FCRL4: variants seen among roughly 807,000 people sequenced by gnomAD.
FCRL4 encodes Fc receptor like 4, also known as Fc receptor-like protein 4.
Under a neutral mutation model 64.1 loss-of-function variants are expected in FCRL4, and 43 were observed. The observed-to-expected ratio is 0.67, with a 90% CI of 0.53 to 0.87. The LOEUF (loss-of-function observed/expected upper bound fraction) is 0.87. Ranked by LOEUF, FCRL4 falls within the 40% of genes least tolerant of loss-of-function variation. FCRL4 has a pLI of 0.00. For synonymous variants in FCRL4, 253 were observed against 239.8 expected (o/e 1.05, Z -0.51); for missense variants, 656 against 613.5 (o/e 1.07, Z -0.73).
In FCRL4 at chr1:157,578,756, A is replaced by C; in HGVS notation, c.1360+14T>G. ...GCTGAGGCCAGGAACAGCTTCCTAG[A>C]AGGGAATCCTCACCATCAACATACA... On this transcript the variant is annotated intron_variant, in intron 9 of 11. Coordinates refer to ENST00000271532, the MANE Select transcript of FCRL4 (RefSeq NM_031282.3). 6.2e-7 allele frequency: 1 copy of C among 1,612,760 alleles called. No individual in the cohort carries two copies.
intron 6 of FCRL4, among the ~76,000 whole-genome samples, chr1:157,585,105 G>C (rs1190827070): frequency 6.6e-6 from 1 of 152,154 alleles, no homozygotes; most frequent in Non-Finnish European, 1.5e-5. Flanking sequence ...AAGCCTGGTG[G>C]TGATGGGTTT....
chr1:157,593,801 T>G (rs1337435414), intron 2 of FCRL4, among the ~76,000 whole-genome samples: 1 of 152,214 alleles, frequency 6.6e-6, no homozygotes, highest in Non-Finnish European at 1.5e-5. Flanking sequence ...AATGTTTATT[T>G]TCTGAGTTTT....
intron 8 of FCRL4, among the ~76,000 whole-genome samples, chr1:157,579,753 A>T (rs1029149052): frequency 7.7e-6 from 1 of 130,216 alleles, no homozygotes; most frequent in South Asian, 2.6e-4. Flanking sequence ...CATACATAAA[A>T]TGTCTTTACA....
At chr1:157,589,596 C>T in intron 2 of FCRL4, 138 bp from the exon 3 acceptor site, 2 of 1,121,236 alleles carry the variant, frequency 1.8e-6, no homozygotes, top group Admixed American at 4.8e-5. Context: ...ACCCAGGTTG[C>T]AGGTGAGCTG....
intron 8 of FCRL4, among the ~76,000 whole-genome samples, chr1:157,579,814 A>G (rs1652520993): frequency 6.6e-6 from 1 of 152,262 alleles, no homozygotes; most frequent in South Asian, 2.1e-4. Flanking sequence ...CCACACTCTT[A>G]TTCCTTACCT....
In FCRL4 at chr1:157,589,407, A is replaced by G; in HGVS notation, c.104T>C (p.Phe35Ser). 6.2e-7 allele frequency: 1 copy of G among 1,614,146 alleles called. No homozygotes were observed. Among genetic ancestry groups the G allele is most frequent in the African/African-American group, 1.3e-5 (1 of 75,034 alleles). The stretch of plus-strand genomic sequence containing the variant: ...AGTCAGAGTCACTCTCTCTCCTTTG[A>G]AGAATGTGGTCCATGGAGGATGGAC... ...ISVHPPWTTF[F>S]KGERVTLTCN... The change falls in exon 3 of 12, where the codon TTC (phenylalanine) becomes TCC (serine). Residue 35 changes from phenylalanine (F) to serine (S), a missense_variant. Transcript: ENST00000271532.
chr1:157,592,565 T>A (rs141709500), intron 2 of FCRL4, among the ~76,000 whole-genome samples: 2,268 of 152,226 alleles, frequency 0.015, 46 homozygotes, highest in African/African-American at 0.051. Flanking sequence ...AGAATGGCGA[T>A]CATTAAAAAG....
rs1336965977 is a variant in FCRL4 at position 157,581,646 on chromosome 1, T to C, written c.1136-2A>G. ...GGCCATCTCTGTTGCCTGGGGTCTCTAAGGGGAAAGGACCTGTGTGAATCT... is the reference window on the plus strand; with the variant it reads ...GGCCATCTCTGTTGCCTGGGGTCTCCAAGGGGAAAGGACCTGTGTGAATCT... On this transcript the variant is annotated splice_acceptor_variant, in intron 6 of 11. Coordinates refer to ENST00000271532, the MANE Select transcript of FCRL4 (RefSeq NM_031282.3). LOFTEE classifies it high-confidence loss of function. 3 of 1,611,966 alleles carry C rather than the reference T, an allele frequency of 1.9e-6. No individual in the cohort carries two copies. The highest frequency in any genetic ancestry group is 2.5e-6 in the Non-Finnish European group (3 of 1,178,518).
chr1:157,580,371 A>G lies in FCRL4; in HGVS notation c.1250-23T>C, dbSNP rs759608543. On this transcript the variant is annotated intron_variant, in intron 7 of 11. Coordinates refer to ENST00000271532, the MANE Select transcript of FCRL4 (RefSeq NM_031282.3). ...CTCCTGCAAAATAAAGCAAAGACGC[A>G]TTTTTGTCAGCAGAGGGAGCTCTTT... 8.1e-6 allele frequency: 13 copies of G among 1,614,060 alleles called. No individual in the cohort carries two copies. In the South Asian group the frequency reaches 1.2e-4, roughly 15 times the overall value.
intron 2 of FCRL4, among the ~76,000 whole-genome samples, chr1:157,590,425 A>G (rs1315009542): frequency 6.6e-6 from 1 of 151,924 alleles, no homozygotes; most frequent in African/African-American, 2.4e-5. Context: ...TGTAAATCTC[A>G]ATCATCTGGC....
chr1:157,586,795 T>A lies in FCRL4; in HGVS notation c.848-340A>T, dbSNP rs577157575. On this transcript the variant is annotated intron_variant, in intron 5 of 11. Transcript: ENST00000271532. ...GCACTAGGCTGGACCACATCTGTTT[T>A]CAAAAGTCATAATTTTGTACCTAAG... 7.0e-4 allele frequency among the ~76,000 whole-genome samples: 106 copies of A among 152,216 alleles called. 1 individual carries two copies. Among genetic ancestry groups the A allele is most frequent in the Non-Finnish European group, 2.6e-4 (18 of 68,030 alleles).
chr1:157,593,186 G>A (rs977499103), intron 2 of FCRL4, among the ~76,000 whole-genome samples: 12 of 152,216 alleles, frequency 7.9e-5, no homozygotes, highest in Admixed American at 7.9e-4. Context: ...GTATGCATAG[G>A]TAACAAACCT....
At chr1:157,585,960 G>A (rs528865996) in intron 6 of FCRL4, among the ~76,000 whole-genome samples, 1 of 152,204 alleles carries the variant, frequency 6.6e-6, no homozygotes, top group East Asian at 1.9e-4. Flanking sequence ...AAAGCAAAAT[G>A]GCTCCCAGCC....
chr1:157,596,228 A>G, intron 2 of FCRL4, 100 bp downstream of exon 2: 2 of 1,330,556 alleles, frequency 1.5e-6, no homozygotes, highest in Non-Finnish European at 1.1e-6. Context: ...ACTCAGGAAA[A>G]GGATGAAATG....
At position 157,574,758 on chromosome 1, in the gene FCRL4, A is replaced by C. The variant is rs575699734; in HGVS notation, c.*766T>G. ...TAAAGGCAGAGTTTATTATGAGTTT[A>C]TACTAATATTTTAAGTTCAAATTTA... On this transcript the variant is annotated 3_prime_UTR_variant, in exon 12 of 12. Coordinates refer to ENST00000271532, the MANE Select transcript of FCRL4 (RefSeq NM_031282.3). 9.5e-6 allele frequency: 2 copies of C among 210,622 alleles called. No homozygotes were observed. Among genetic ancestry groups the C allele is most frequent in the African/African-American group, 4.5e-5 (2 of 44,130 alleles). The allele number at this position is 210,622 out of a possible 1,614,324, so 13.0% of individuals were successfully genotyped here.
intron 2 of FCRL4, among the ~76,000 whole-genome samples, chr1:157,595,766 G>A (rs1242219821): frequency 1.3e-5 from 2 of 152,192 alleles, no homozygotes; most frequent in African/African-American, 4.8e-5. Flanking sequence ...AGCTCCTAGG[G>A]TGCTCTATAG....
In FCRL4 at chr1:157,597,947, A is replaced by C. The variant is rs1653004546; in HGVS notation, c.-3T>G. On this transcript the variant is annotated 5_prime_UTR_variant, in exon 1 of 12. Transcript: ENST00000271532. The stretch of plus-strand genomic sequence containing the variant: ...AGCAAGGACGCCCACAGCAGCATGG[A>C]AGCCTGCTCCAGGATTGGAGAAGGA... 1 of 1,612,840 alleles carries C rather than the reference A, an allele frequency of 6.2e-7. No individual in the cohort carries two copies. Among genetic ancestry groups the C allele is most frequent in the Non-Finnish European group, 8.5e-7 (1 of 1,179,272 alleles).
chr1:157,579,777 A>G (rs1652520632), intron 8 of FCRL4, among the ~76,000 whole-genome samples: 1 of 152,200 alleles, frequency 6.6e-6, no homozygotes, highest in Admixed American at 6.5e-5. Context: ...TAATGTCTGT[A>G]CAATCCAAGA....
intron 3 of FCRL4, among the ~76,000 whole-genome samples, chr1:157,588,674 C>T (rs1332980345): frequency 6.6e-6 from 1 of 152,198 alleles, no homozygotes; most frequent in African/African-American, 2.4e-5. Context: ...AATGCCTACT[C>T]CTGTAGTCCG....
Sources: allele counts gnomAD v4.1 joint callset (sites outside exome capture counted in the v4.1 genomes callset), GRCh38; gene constraint gnomAD v4.1.1; transcripts MANE v1.5; gene names NCBI Gene and HGNC (gene_info 2026-07-23, HGNC 2026-07-21).